TLN1: variants seen among roughly 807,000 people sequenced by gnomAD.
TLN1 encodes the protein talin 1.
Under a neutral mutation model 292.3 loss-of-function variants are expected in TLN1, and 56 were observed. The observed-to-expected ratio is 0.19, with a 90% CI of 0.15 to 0.24. TLN1 has a LOEUF of 0.24. Among genes scored for constraint, TLN1 ranks in the 10% least tolerant of loss-of-function variants. TLN1 has a pLI of 1.00. For missense variants in TLN1, 2,433 were observed against 3,248.2 expected, an observed-to-expected ratio of 0.75 and a Z score of 6.10; for synonymous variants, 1,119 against 1,253.7, an observed-to-expected ratio of 0.89 and a Z score of 2.27.
In TLN1 at chr9:35,725,616, C is replaced by T; in HGVS notation, c.79G>A (p.Asp27Asn). The T allele has an allele frequency of 6.2e-7, 1 of 1,613,854 alleles. No homozygotes were observed. Among genetic ancestry groups the T allele is most frequent in the Non-Finnish European group, 8.5e-7 (1 of 1,179,996 alleles). The part of the protein sequence containing the change: ...MQFEPSTMVY[D>N]ACRIIRERIP... Reference sequence around the variant, plus strand: ...CGCTCACGAATGATGCGGCAGGCGTCGTACACCATGGTAGACGGCTCAAAC... The same window carrying T: ...CGCTCACGAATGATGCGGCAGGCGTTGTACACCATGGTAGACGGCTCAAAC... The change falls in exon 2 of 57, where the codon GAC becomes AAC. Residue 27 changes from aspartate to asparagine, a missense_variant. By Grantham distance (23) the Asp-to-Asn change is conservative. This residue lies in a region of TLN1 where 155 missense variants were observed against 287.9 expected (regional missense o/e 0.54). Coordinates refer to ENST00000314888, the MANE Select transcript of TLN1 (RefSeq NM_006289.4).
At chr9:35,702,009 T>G (rs1036666688) in intron 48 of TLN1, among the ~76,000 whole-genome samples, 1 of 151,046 alleles carries the variant, frequency 6.6e-6, no homozygotes, top group Admixed American at 6.6e-5. Flanking sequence ...GAGAGGAGAG[T>G]GGCAGGGACC....
chr9:35,714,917 C>A lies in TLN1; in HGVS notation c.2755-41G>T. 6.2e-7 allele frequency: 1 copy of A among 1,600,480 alleles called. No individual in the cohort carries two copies. Among genetic ancestry groups the A allele is most frequent in the Non-Finnish European group, 8.5e-7 (1 of 1,173,198 alleles). On this transcript the variant is annotated intron_variant, in intron 21 of 56. Coordinates refer to ENST00000314888, the MANE Select transcript of TLN1 (RefSeq NM_006289.4). This position sits in a 1 kb window ranked among gnomAD's most constrained non-coding sequence, Gnocchi z 4.6. ...TAGTCAGACCAAGCCCATGGATTCCCATGCCCAGCCCAGTCCCTGGCCTAC... is the reference window on the plus strand; with the variant it reads ...TAGTCAGACCAAGCCCATGGATTCCAATGCCCAGCCCAGTCCCTGGCCTAC...
At position 35,722,172 on chromosome 9, in the gene TLN1, C is replaced by T. The variant is rs749761240; in HGVS notation, c.895G>A (p.Val299Met). ...MSEIEAKVRY[V>M]KLARSLKTYG... Reference sequence around the variant, plus strand: ...GTCTTGAGAGAACGGGCTAGCTTCACGTAGCGGACCTTGGCCTCAATCTCA... The same window carrying T: ...GTCTTGAGAGAACGGGCTAGCTTCATGTAGCGGACCTTGGCCTCAATCTCA... Residue 299 changes from valine (V) to methionine (M), a missense_variant, in exon 9 of 57, where the codon GTG becomes ATG. Physicochemically the swap from Val to Met is conservative, Grantham distance 21. Transcript: ENST00000314888. 1.2e-6 allele frequency: 2 copies of T among 1,614,222 alleles called. No individual in the cohort carries two copies. The highest frequency in any genetic ancestry group is 1.7e-6 in the Non-Finnish European group (2 of 1,180,038).
At chr9:35,727,567 T>C (rs1587992158) in intron 1 of TLN1, among the ~76,000 whole-genome samples, 2 of 152,244 alleles carry the variant, frequency 1.3e-5, no homozygotes, top group Middle Eastern at 6.8e-3. Context: ...TCCAGCTCTC[T>C]GCCCCCTCCC....
chr9:35,726,978 A>T (rs1825988666), intron 1 of TLN1, among the ~76,000 whole-genome samples: 1 of 151,962 alleles, frequency 6.6e-6, no homozygotes, highest in South Asian at 2.1e-4. Context: ...GCTCTGTCTC[A>T]CCCACTTCCC....
chr9:35,704,106 C>T lies in TLN1; in HGVS notation c.6116G>A (p.Gly2039Glu). 6.2e-7 allele frequency: 1 copy of T among 1,613,590 alleles called. No individual in the cohort carries two copies. The change falls in exon 46 of 57, where the codon GGG (glycine) becomes GAG (glutamate). Residue 2039 changes from glycine to glutamate, a missense_variant. Physicochemically the swap from Gly to Glu is moderately conservative, Grantham distance 98. Coordinates refer to ENST00000314888, the MANE Select transcript of TLN1 (RefSeq NM_006289.4). This position sits in a 1 kb window ranked among gnomAD's most constrained non-coding sequence, Gnocchi z 6.9. The stretch of plus-strand genomic sequence containing the variant: ...AGCCTGCGCCAACTTCTCCTGGCTC[C>T]CAGCTGCGTTTTGCACCAGGACCTT... ...DTKVLVQNAA[G>E]SQEKLAQAAQ...
Position 35,721,636 on chromosome 9 carries a change from C to G in TLN1, c.1104+12G>C, listed in dbSNP as rs867180722. ...TCCCAAAGCACTTTCTTGTTATAGT[C>G]CCCAGACTTACCAGGGTGAAGCTTT... On this transcript the variant is annotated intron_variant, in intron 10 of 56. Coordinates refer to ENST00000314888, the MANE Select transcript of TLN1 (RefSeq NM_006289.4). The G allele has an allele frequency of 6.2e-6, 10 of 1,610,564 alleles. 1 individual carries two copies. In the Middle Eastern group the frequency reaches 1.7e-3, roughly 268 times the overall value.
intron 1 of TLN1, among the ~76,000 whole-genome samples, chr9:35,727,273 G>A (rs930806140): frequency 3.3e-5 from 5 of 152,206 alleles, no homozygotes; most frequent in African/African-American, 9.7e-5. Flanking sequence ...AGGCTGGAAA[G>A]CAGAGATGGG....
At chr9:35,716,069 T>C (rs2737273) in intron 20 of TLN1, among the ~76,000 whole-genome samples, 98,804 of 151,768 alleles carry the variant, frequency 0.65, 32,795 homozygotes, top group South Asian at 0.78. Context: ...TAAAAAATAA[T>C]TTTAGGCCAG....
intron 10 of TLN1, 69 bp downstream of exon 10, chr9:35,721,579 A>C: frequency 7.8e-6 from 12 of 1,545,210 alleles, no homozygotes; most frequent in African/African-American, 1.4e-5. Flanking sequence ...AAGAGAGGGA[A>C]GAGACCTCTG....
In TLN1 at chr9:35,698,709, C is replaced by T. The variant is rs551258390; in HGVS notation, c.7126-30G>A. 1.2e-6 allele frequency: 2 copies of T among 1,614,124 alleles called. No individual in the cohort carries two copies. Among genetic ancestry groups the T allele is most frequent in the South Asian group, 1.1e-5 (1 of 91,078 alleles). On this transcript the variant is annotated intron_variant, in intron 53 of 56. Coordinates refer to ENST00000314888, the MANE Select transcript of TLN1 (RefSeq NM_006289.4). The surrounding 1 kb of genome is among the most constrained non-coding windows in gnomAD (Gnocchi z 5.3). ...AGGAAGGAGAAGAGCCTACTTAGAC[C>T]TGCATTTTCCTCACTTCAAAGACTC...
Position 35,719,537 on chromosome 9 carries a change from C to T in TLN1, c.1669G>A (p.Val557Met), listed in dbSNP as rs1267218525. 2 of 1,614,172 alleles carry T rather than the reference C, an allele frequency of 1.2e-6. No homozygotes were observed. The highest frequency in any genetic ancestry group is 1.7e-5 in the Admixed American group (1 of 60,034). Residue 557 changes from valine to methionine, a missense_variant, in exon 15 of 57, where the codon GTG (valine) becomes ATG (methionine). Val to Met is a conservative substitution (Grantham distance 21, BLOSUM62 1). Around this residue, in one of 7 missense-constraint regions of TLN1, gnomAD observed 617 missense variants for 770.6 expected, o/e 0.80. Transcript: ENST00000314888. This position sits in a 1 kb window ranked among gnomAD's most constrained non-coding sequence, Gnocchi z 4.6. ...VDAITAGTAS[V>M]VNLTAGDPAE... ...GGCCTACCTGCTGTCAGGTTCACCA[C>T]AGACGCAGTACCAGCTGTGATGGCA...
chr9:35,712,014 C>G lies in TLN1; in HGVS notation c.3672G>C (p.Leu1224=). Residue 1224 remains leucine (L), a synonymous_variant, in exon 28 of 57, where the codon CTG becomes CTC. Transcript: ENST00000314888. The stretch of plus-strand genomic sequence containing the variant: ...CCTACCGTCCTCCTACCGAGTCACT[C>G]AGGAGTCGCTTGCTGGCATCTCCAA... ...RAVGDASKRL[L]SDSLPPSTGT... 6.2e-7 allele frequency: 1 copy of G among 1,613,948 alleles called. No individual in the cohort carries two copies. Among genetic ancestry groups the G allele is most frequent in the Non-Finnish European group, 8.5e-7 (1 of 1,180,004 alleles).
At chr9:35,715,228 T>C in intron 20 of TLN1, 41 bp from the exon 21 acceptor site, 1 of 1,598,716 alleles carries the variant, frequency 6.3e-7, no homozygotes, top group Non-Finnish European at 8.5e-7. Context: ...CCAGCTCTCC[T>C]GTGGATCCTA....
At chr9:35,710,222 C>CAA (rs68036045) in intron 33 of TLN1, among the ~76,000 whole-genome samples, 18,053 of 66,680 alleles carry the variant, frequency 0.27, 2,069 homozygotes, top group Non-Finnish European at 0.36. Context: ...AACGCTGTCT[C>CAA]AAAAAAAAAA....
chr9:35,710,721 C>T, intron 32 of TLN1, 38 bp from the exon 33 acceptor site: 1 of 1,613,366 alleles, frequency 6.2e-7, no homozygotes, highest in Non-Finnish European at 8.5e-7. Context: ...CAGAGCATGT[C>T]CTCAGAACCC....
chr9:35,703,965 C>A lies in TLN1; in HGVS notation c.6231+26G>T, dbSNP rs370459836. On this transcript the variant is annotated intron_variant, in intron 46 of 56. Coordinates refer to ENST00000314888, the MANE Select transcript of TLN1 (RefSeq NM_006289.4). ...AAGCGGGACAGGAAGTGATTCCAGC[C>A]GGAATTAGGGGCATCAGGTCACTAC... is the stretch of plus-strand genomic sequence containing the variant. 1.9e-6 allele frequency: 3 copies of A among 1,612,310 alleles called. No individual in the cohort carries two copies. In the African/African-American group the frequency reaches 4.0e-5, roughly 22 times the overall value.
At chr9:35,715,990 C>G (rs892262935) in intron 20 of TLN1, among the ~76,000 whole-genome samples, 1 of 152,114 alleles carries the variant, frequency 6.6e-6, no homozygotes, top group Non-Finnish European at 1.5e-5. Context: ...GTTAATTACT[C>G]TGATCTGATT....
chr9:35,714,405 G>A lies in TLN1; in HGVS notation c.2986-32C>T. On this transcript the variant is annotated intron_variant, in intron 23 of 56. Coordinates refer to ENST00000314888, the MANE Select transcript of TLN1 (RefSeq NM_006289.4). The surrounding 1 kb of genome is among the most constrained non-coding windows in gnomAD (Gnocchi z 4.6). ...GGGAATAGGCAGGTGGATGAAGTGTGCCATCCTCCCTCTGGGCTTGGGTAC... is the reference window on the plus strand; with the variant it reads ...GGGAATAGGCAGGTGGATGAAGTGTACCATCCTCCCTCTGGGCTTGGGTAC... The A allele has an allele frequency of 6.3e-7, 1 of 1,591,670 alleles. No individual in the cohort carries two copies. The highest frequency in any genetic ancestry group is 8.6e-7 in the Non-Finnish European group (1 of 1,168,732).
Sources: allele counts gnomAD v4.1 joint callset (sites outside exome capture counted in the v4.1 genomes callset), GRCh38; gene constraint gnomAD v4.1.1; regional missense constraint gnomAD v4.1.1; non-coding constraint Gnocchi (gnomAD v3.1); transcripts MANE v1.5; gene names NCBI Gene and HGNC (gene_info 2026-07-23, HGNC 2026-07-21).